Variants in TUB observed in about 807,000 individuals in gnomAD.
TUB encodes TUB bipartite transcription factor, also known as tubby protein homolog.
Under a neutral mutation model 59.7 loss-of-function variants are expected in TUB, and 33 were observed. That is an observed-to-expected ratio of 0.55 (90% CI 0.42 to 0.74). TUB has a LOEUF of 0.74. Ranked by LOEUF, TUB falls within the 30% of genes least tolerant of loss-of-function variation. The pLI, the probability that TUB is intolerant of heterozygous loss-of-function variation, is 0.00. For synonymous variants in TUB, 293 were observed against 256.4 expected (o/e 1.14, Z -1.36); for missense variants, 659 against 672.0 (o/e 0.98, Z 0.21).
rs751516278 is a variant in TUB, at chr11:8,097,818, G to A, written c.990G>A (p.Gly330=). The A allele has an allele frequency of 9.9e-6, 16 of 1,613,156 alleles. No individual in the cohort carries two copies. In the Admixed American group the frequency reaches 2.5e-4, roughly 25 times the overall value. The change falls in exon 8 of 12, where the codon GGG becomes GGA. Residue 330 remains glycine, a synonymous_variant. Transcript: ENST00000299506. ...DLSRGGDSYI[G]KLRSNLMGTK... ...CTCGAGGAGGGGACAGCTATATCGG[G>A]AAACTGCGGTACTAGCATTCCCCCA...
chr11:8,025,997 A>G (rs1259403286), intron 1 of TUB, among the ~76,000 whole-genome samples: 2 of 152,214 alleles, frequency 1.3e-5, no homozygotes, highest in Non-Finnish European at 2.9e-5. Flanking sequence ...TTTTTCATTT[A>G]AGCATTCTAA....
intron 1 of TUB, among the ~76,000 whole-genome samples, chr11:8,027,341 T>C (rs1460631523): frequency 6.6e-6 from 1 of 152,236 alleles, no homozygotes; most frequent in Non-Finnish European, 1.5e-5. Context: ...CTATTTTAGA[T>C]ATTTCGTATA....
intron 2 of TUB, among the ~76,000 whole-genome samples, chr11:8,046,878 A>G (rs1942842571): frequency 6.6e-6 from 1 of 152,238 alleles, no homozygotes; most frequent in South Asian, 2.1e-4. Flanking sequence ...CTTGGGCCAC[A>G]CATAAAATAC....
At chr11:8,036,713 G>A (rs923493271), upstream of TUB, among the ~76,000 whole-genome samples, 1 of 152,222 alleles carries the variant, frequency 6.6e-6, no homozygotes, top group African/African-American at 2.4e-5. Context: ...GCCTGCCCCA[G>A]GGAGCTATGA....
intron 1 of TUB, chr11:8,039,553 C>G (rs10769865): frequency 8.6e-7 from 1 of 1,165,690 alleles, no homozygotes. Context: ...CTGAAGGAGG[C>G]CTTGAGTGAC....
intron 8 of TUB, among the ~76,000 whole-genome samples, chr11:8,098,137 C>T (rs1195344068): frequency 6.6e-6 from 1 of 151,906 alleles, no homozygotes; most frequent in Non-Finnish European, 1.5e-5. Flanking sequence ...GCCTTGGCTC[C>T]ATGGTCAATG....
At position 8,104,508 on chromosome 11, in the gene TUB, T is replaced by C. The variant is rs1399460205; in HGVS notation, c.*2889T>C. 2.0e-5 allele frequency: 3 copies of C among 152,258 alleles called. No individual in the cohort carries two copies. Among genetic ancestry groups the C allele is most frequent in the Non-Finnish European group, 4.4e-5 (3 of 68,048 alleles). The allele number at this position is 152,258 out of a possible 1,614,324, so 9.4% of individuals were successfully genotyped here. ...AACTGAGGTTTCTTAATTGTGATTATATTCCTGAGAATGAATGAGTAGGAA... is the reference window on the plus strand; with the variant it reads ...AACTGAGGTTTCTTAATTGTGATTACATTCCTGAGAATGAATGAGTAGGAA... On this transcript the variant is annotated 3_prime_UTR_variant, in exon 12 of 12. Transcript: ENST00000299506.
chr11:8,087,707 G>T (rs1943694770), intron 1 of TUB, among the ~76,000 whole-genome samples: 2 of 152,264 alleles, frequency 1.3e-5, no homozygotes, highest in Non-Finnish European at 2.9e-5. Flanking sequence ...ACCCTTTCAA[G>T]TCCGTCTGTG....
rs1944374069 is a variant in TUB, at chr11:8,103,085, C to T, written c.*1466C>T. ...TCCAGGATTGGCCTGTGTCTGGCCC[C>T]TCCGCGAGGGCTACTCAGCAGTAAG... On this transcript the variant is annotated 3_prime_UTR_variant, in exon 12 of 12. Transcript: ENST00000299506. 1 of 152,238 alleles carries T rather than the reference C, an allele frequency of 6.6e-6. No individual in the cohort carries two copies. Among genetic ancestry groups the T allele is most frequent in the South Asian group, 2.1e-4 (1 of 4,826 alleles). 9.4% of individuals were successfully genotyped at this position (152,238 alleles called of 1,614,324 possible). A position where few individuals can be genotyped will look rare whatever the true frequency, so the allele number is the denominator to read the frequency against.
At chr11:8,076,584 G>T (rs1241510339), upstream of TUB, 1 of 152,176 alleles carries the variant, frequency 6.6e-6, no homozygotes, top group African/African-American at 2.4e-5. Context: ...GTGGATCCTA[G>T]ACTGGAAGCA....
At chr11:8,062,954 A>G (rs1192850512) in intron 2 of TUB, among the ~76,000 whole-genome samples, 1 of 152,198 alleles carries the variant, frequency 6.6e-6, no homozygotes, top group African/African-American at 2.4e-5. Context: ...ACTCTTCGGT[A>G]ACCTTTTCCT....
chr11:8,091,187 C>T (rs1230906673), intron 3 of TUB, among the ~76,000 whole-genome samples: 4 of 152,052 alleles, frequency 2.6e-5, no homozygotes, highest in East Asian at 1.9e-4. Context: ...TACCCTGCCT[C>T]GCAGTATTTT....
At chr11:8,096,053 G>A (rs534197058) in intron 5 of TUB, among the ~76,000 whole-genome samples, 2 of 152,332 alleles carry the variant, frequency 1.3e-5, no homozygotes, top group East Asian at 1.9e-4. Context: ...GGTGGCAGAG[G>A]GAAGAAGCCT....
intron 5 of TUB, 73 bp from the exon 6 acceptor site, chr11:8,096,612 T>A (rs952933691): frequency 4.0e-6 from 4 of 994,232 alleles, no homozygotes; most frequent in Non-Finnish European, 6.5e-6. Context: ...AACATGAGTA[T>A]GTGACCATGT....
upstream of TUB, among the ~76,000 whole-genome samples, chr11:8,080,112 C>T (rs1012361153): frequency 3.3e-5 from 5 of 152,198 alleles, no homozygotes; most frequent in Admixed American, 3.3e-4. Flanking sequence ...CCTCCCTCAG[C>T]CCCCTTGGCT....
intron 4 of TUB, among the ~76,000 whole-genome samples, chr11:8,094,511 A>G (rs1589971894): frequency 6.6e-6 from 1 of 152,116 alleles, no homozygotes; most frequent in East Asian, 1.9e-4. Context: ...GGAGGATCTC[A>G]CCCAGCCTGG....
At chr11:8,052,846 A>T (rs1942955070) in intron 2 of TUB, among the ~76,000 whole-genome samples, 1 of 152,170 alleles carries the variant, frequency 6.6e-6, no homozygotes, top group Admixed American at 6.5e-5. Context: ...ACAGGTAGTT[A>T]TTCTGTATTA....
At chr11:8,072,039 A>AG (rs1226076496) in intron 2 of TUB, among the ~76,000 whole-genome samples, 6 of 152,234 alleles carry the variant, frequency 3.9e-5, no homozygotes, top group African/African-American at 1.4e-4. Flanking sequence ...AGGTACAGGA[A>AG]GGGGCCACTC....
chr11:8,076,105 C>A (rs1019008291), intron 2 of TUB: 18 of 152,298 alleles, frequency 1.2e-4, no homozygotes, highest in Middle Eastern at 6.8e-3. Context: ...CTTGGAGGAG[C>A]CCTCTTGTCC....
Sources: allele counts gnomAD v4.1 joint callset (sites outside exome capture counted in the v4.1 genomes callset), GRCh38; gene constraint gnomAD v4.1.1; transcripts MANE v1.5; gene names NCBI Gene and HGNC (gene_info 2026-07-23, HGNC 2026-07-21).